The following PALM2AKAP2 variants were observed in gnomAD, a reference collection of about 807,000 sequenced individuals.
The protein encoded by PALM2AKAP2 is PALM2 and AKAP2 fusion, also known as PALM2-AKAP2 fusion protein.
Under a neutral mutation model 71.5 loss-of-function variants are expected in PALM2AKAP2, and 37 were observed. The ratio of observed to expected loss-of-function variants is 0.52; its 90% CI spans 0.40 to 0.68. The LOEUF is 0.68. Among genes scored for constraint, PALM2AKAP2 ranks in the 30% least tolerant of loss-of-function variants. The pLI is 0.00. For synonymous variants in PALM2AKAP2, 468 were observed against 478.8 expected, an observed-to-expected ratio of 0.98 and a Z score of 0.29; for missense variants, 1,224 against 1,191.8, an observed-to-expected ratio of 1.03 and a Z score of -0.40.
chr9:109,673,062 C>T (rs1230022461), intron 1 of PALM2AKAP2, among the ~76,000 whole-genome samples: 1 of 151,770 alleles, frequency 6.6e-6, no homozygotes, highest in Non-Finnish European at 1.5e-5. Flanking sequence ...ATTTGTTGAT[C>T]TTTTGAATGC....
intron 6 of PALM2AKAP2, among the ~76,000 whole-genome samples, chr9:109,981,481 C>T (rs996207747): frequency 7.9e-5 from 12 of 152,286 alleles, no homozygotes; most frequent in Admixed American, 2.6e-4. Context: ...CTGAGCTGCT[C>T]ACCTGGTCCC....
intron 1 of PALM2AKAP2, among the ~76,000 whole-genome samples, chr9:110,086,481 G>T (rs1428641709): frequency 1.3e-5 from 2 of 152,330 alleles, no homozygotes; most frequent in Non-Finnish European, 2.9e-5. Flanking sequence ...TTGAAAAGCT[G>T]CAGAGAATGA....
chr9:109,723,278 A>G (rs528426890), intron 1 of PALM2AKAP2, among the ~76,000 whole-genome samples: 51 of 152,220 alleles, frequency 3.4e-4, no homozygotes, highest in African/African-American at 1.2e-3. Context: ...CCTGGCTCCT[A>G]TAAGTCTAAT....
At chr9:110,035,495 A>G (rs901151724) in intron 7 of PALM2AKAP2, among the ~76,000 whole-genome samples, 2 of 143,196 alleles carry the variant, frequency 1.4e-5, no homozygotes, top group Admixed American at 7.1e-5. Flanking sequence ...TATATATAAC[A>G]TATATATGAT....
intron 1 of PALM2AKAP2, among the ~76,000 whole-genome samples, chr9:110,069,075 C>T (rs1834148472): frequency 6.6e-6 from 1 of 152,170 alleles, no homozygotes; most frequent in African/African-American, 2.4e-5. Flanking sequence ...GCACCAAGAT[C>T]AAAGGTCTCT....
At chr9:109,796,344 C>T (rs1026067308) in intron 1 of PALM2AKAP2, among the ~76,000 whole-genome samples, 6 of 151,984 alleles carry the variant, frequency 3.9e-5, no homozygotes, top group Non-Finnish European at 7.4e-5. Flanking sequence ...GATGTACAGT[C>T]AGCAAAATAT....
intron 6 of PALM2AKAP2, among the ~76,000 whole-genome samples, chr9:109,962,718 C>T (rs928365480): frequency 1.3e-5 from 2 of 151,832 alleles, no homozygotes; most frequent in South Asian, 4.2e-4. Flanking sequence ...TCTCGGCTCA[C>T]TGCAACCTCC....
At chr9:109,987,771 T>C (rs1832408179) in intron 6 of PALM2AKAP2, among the ~76,000 whole-genome samples, 1 of 152,136 alleles carries the variant, frequency 6.6e-6, no homozygotes, top group African/African-American at 2.4e-5. Context: ...TGGGGGAACA[T>C]CTCTGTTGTG....
intron 6 of PALM2AKAP2, among the ~76,000 whole-genome samples, chr9:110,009,575 G>A (rs561100211): frequency 2.0e-5 from 3 of 152,052 alleles, no homozygotes; most frequent in South Asian, 2.1e-4. Context: ...TTAGCTGGGC[G>A]TGGTAGCGGG....
intron 2 of PALM2AKAP2, among the ~76,000 whole-genome samples, chr9:110,153,165 T>A (rs796356613): frequency 1.1e-4 from 17 of 152,340 alleles, no homozygotes; most frequent in African/African-American, 3.6e-4. Flanking sequence ...GCAGGAAATG[T>A]CTTTGATGTT....
At chr9:109,704,179 C>T (rs904433150) in intron 1 of PALM2AKAP2, among the ~76,000 whole-genome samples, 4 of 152,172 alleles carry the variant, frequency 2.6e-5, no homozygotes, top group Admixed American at 1.3e-4. Flanking sequence ...ACAGAAGATG[C>T]CCTTCTTCAG....
In PALM2AKAP2 at chr9:109,840,874, G is replaced by A. The variant is rs1437624543; in HGVS notation, c.46-26617G>A. Reference sequence around the variant, plus strand: ...ATTAAAAAGTCAGGAGACAACAGGTGCTGGAGAGGATGTGGAGAAATAGGA... The same window carrying A: ...ATTAAAAAGTCAGGAGACAACAGGTACTGGAGAGGATGTGGAGAAATAGGA... On this transcript the variant is annotated intron_variant, in intron 1 of 9. Transcript: ENST00000302798. Among the ~76,000 whole-genome samples, 3 of 152,200 alleles carry A rather than the reference G, an allele frequency of 2.0e-5. No homozygotes were observed. In the East Asian group the frequency reaches 5.8e-4, roughly 29 times the overall value.
At chr9:109,898,615 C>T (rs1004596353) in intron 3 of PALM2AKAP2, among the ~76,000 whole-genome samples, 1 of 152,112 alleles carries the variant, frequency 6.6e-6, no homozygotes, top group African/African-American at 2.4e-5. Flanking sequence ...TTAGGAGTCT[C>T]GATAAAAAAC....
intron 1 of PALM2AKAP2, among the ~76,000 whole-genome samples, chr9:109,696,621 G>A (rs1827974217): frequency 6.6e-6 from 1 of 152,156 alleles, no homozygotes; most frequent in Non-Finnish European, 1.5e-5. Context: ...ACAAAGACAT[G>A]TATCTACAAG....
At position 110,103,362 on chromosome 9, in the gene PALM2AKAP2, C is replaced by G. The variant is rs566778790; in HGVS notation, c.157-32765C>G. Among the ~76,000 whole-genome samples, 9 of 152,312 alleles carry G rather than the reference C, an allele frequency of 5.9e-5. No individual in the cohort carries two copies. The South Asian group carries it at 1.9e-3, about 32-fold the overall frequency. On this transcript the variant is annotated intron_variant, in intron 1 of 3. Coordinates refer to ENST00000374525, the Ensembl canonical transcript of PALM2AKAP2. ...CCAAGCACAGTACTCAGATCTCAAG[C>G]TCATAGTCACTGCATAGCTTGTGCT... is the stretch of plus-strand genomic sequence containing the variant.
At chr9:110,023,084 GTA>G in intron 7 of PALM2AKAP2, among the ~76,000 whole-genome samples, 1 of 151,530 alleles carries the variant, frequency 6.6e-6, no homozygotes, top group African/African-American at 2.4e-5. Context: ...AATCCTTTGG[GTA>G]TATACCCAGT....
At chr9:110,159,554 G>T (rs1302721945) in intron 3 of PALM2AKAP2, among the ~76,000 whole-genome samples, 1 of 152,176 alleles carries the variant, frequency 6.6e-6, no homozygotes, top group Non-Finnish European at 1.5e-5. Flanking sequence ...TAAGGAGAAG[G>T]CAGAGTTAAA....
intron 1 of PALM2AKAP2, among the ~76,000 whole-genome samples, chr9:109,685,634 T>TA (rs1351404304): frequency 6.6e-6 from 1 of 152,134 alleles, no homozygotes; most frequent in African/African-American, 2.4e-5. Flanking sequence ...ACTTTATTGC[T>TA]AAAAAATGTG....
At chr9:109,881,020 G>C (rs1829834879) in intron 3 of PALM2AKAP2, among the ~76,000 whole-genome samples, 1 of 152,054 alleles carries the variant, frequency 6.6e-6, no homozygotes, top group African/African-American at 2.4e-5. Context: ...TATTTTTCCT[G>C]ATTCTCTCCC....
Sources: gnomAD v4.1 joint callset for allele counts (sites outside exome capture counted in the v4.1 genomes callset) on GRCh38, gnomAD v4.1.1 for gene constraint, MANE v1.5 for transcripts, NCBI Gene and HGNC (gene_info 2026-07-23, HGNC 2026-07-21) for gene names.